The following CCNYL1 variants were observed in gnomAD, a reference collection of about 807,000 sequenced individuals.
CCNYL1 encodes the protein cyclin-Y-like protein 1.
A neutral mutation model predicts 44.2 loss-of-function variants in CCNYL1; 16 were observed. The observed-to-expected ratio is 0.36, with a 90% CI of 0.25 to 0.55. The LOEUF (loss-of-function observed/expected upper bound fraction) is 0.55, where lower values mean the gene tolerates loss of function less well. Ranked by LOEUF, CCNYL1 falls within the 20% of genes least tolerant of loss-of-function variation. The probability of loss-of-function intolerance (pLI) is 0.85; values close to 1 mark genes in which losing one functional copy is unlikely to be tolerated. For synonymous variants in CCNYL1, 159 were observed against 163.2 expected (o/e 0.97, Z 0.20); for missense variants, 348 against 451.8 (o/e 0.77, Z 2.08).
At chr2:207,737,253 A>G (rs1211088287) in intron 4 of CCNYL1, among the ~76,000 whole-genome samples, 158 bp from the exon 5 acceptor site, 1 of 152,148 alleles carries the variant, frequency 6.6e-6, no homozygotes. Flanking sequence ...TGCTGAAAGG[A>G]ACTAAAACAA....
rs569284178 is a variant in CCNYL1, at chr2:207,720,997, T to G, written c.221-3803T>G. Among the ~76,000 whole-genome samples the G allele has an allele frequency of 6.6e-4, 100 of 152,236 alleles. 1 individual carries two copies. Among genetic ancestry groups the G allele is most frequent in the Admixed American group, 6.5e-3 (100 of 15,278 alleles). ...TTGGCTGGTACTGTGTGACCTCAGA[T>G]GAGGCAGGGCAGCTCAAGACCCATC... On this transcript the variant is annotated intron_variant, in intron 1 of 9. Coordinates refer to ENST00000295414, the MANE Select transcript of CCNYL1 (RefSeq NM_001330218.2).
In CCNYL1 at chr2:207,741,915, C is replaced by T. The variant is rs367560955; in HGVS notation, c.520-308C>T. ...CGTGTAATCCCAGCACTTTGGGAGG[C>T]CAAGGCAGGTGGATTGCCTGAGGTC... is the stretch of plus-strand genomic sequence containing the variant. On this transcript the variant is annotated intron_variant, in intron 6 of 9. Coordinates refer to ENST00000295414, the MANE Select transcript of CCNYL1 (RefSeq NM_001330218.2). 1.3e-4 allele frequency among the ~76,000 whole-genome samples: 20 copies of T among 150,670 alleles called. No homozygotes were observed. In the East Asian group the frequency reaches 3.9e-3, roughly 29 times the overall value.
At chr2:207,742,733 T>G (rs1157912974) in intron 7 of CCNYL1, among the ~76,000 whole-genome samples, 3 of 151,492 alleles carry the variant, frequency 2.0e-5, no homozygotes, top group Admixed American at 2.0e-4. Context: ...AGTCCCAGGC[T>G]CTATTCCCCA....
rs756730695 is a variant in CCNYL1, at chr2:207,737,454, C to T, written c.467+8C>T. The T allele has an allele frequency of 5.0e-6, 8 of 1,606,828 alleles. No individual in the cohort carries two copies. Among genetic ancestry groups the T allele is most frequent in the Middle Eastern group, 1.9e-4 (1 of 5,326 alleles). ...TTACCACATAAAGAACAGGTGAGCT[C>T]CTTTAAAACCTGTCTTGTTATTCCA... On this transcript the variant is annotated splice_region_variant and intron_variant, in intron 5 of 9. Transcript: ENST00000295414.
intron 1 of CCNYL1, chr2:207,714,252 G>T: frequency 5.1e-6 from 2 of 391,356 alleles, no homozygotes; most frequent in South Asian, 1.9e-5. Flanking sequence ...AACTTACTTC[G>T]GTCTTGATTA....
intron 5 of CCNYL1, 41 bp from the exon 6 acceptor site, chr2:207,740,614 T>C (rs1335027105): frequency 7.4e-7 from 1 of 1,356,700 alleles, no homozygotes; most frequent in African/African-American, 1.4e-5. Context: ...ATATTAACAA[T>C]TCCTGAATTA....
chr2:207,740,604 A>G, intron 5 of CCNYL1, 51 bp from the exon 6 acceptor site: 1 of 1,243,064 alleles, frequency 8.0e-7, no homozygotes. Context: ...TTTTACTCAG[A>G]TATTAACAAT....
intron 1 of CCNYL1, among the ~76,000 whole-genome samples, chr2:207,724,092 G>A (rs2091661930): frequency 6.6e-6 from 1 of 152,052 alleles, no homozygotes; most frequent in Non-Finnish European, 1.5e-5. Flanking sequence ...AAATTTTTTA[G>A]AAACAGCCCT....
At chr2:207,722,949 ACT>A (rs2091652083) in intron 1 of CCNYL1, among the ~76,000 whole-genome samples, 1 of 149,212 alleles carries the variant, frequency 6.7e-6, no homozygotes, top group African/African-American at 2.5e-5. Flanking sequence ...AAAGAGTGAG[ACT>A]CTTCTCTCGG....
Position 207,712,015 on chromosome 2 carries a change from C to T in CCNYL1, c.119C>T (p.Ala40Val). 1.3e-6 allele frequency: 2 copies of T among 1,488,940 alleles called. No individual in the cohort carries two copies. Among genetic ancestry groups the T allele is most frequent in the Non-Finnish European group, 8.9e-7 (1 of 1,118,812 alleles). The allele number at this position is 1,488,940 out of a possible 1,614,324, so 92.2% of individuals were successfully genotyped here. The part of the protein sequence containing the change: ...SDIYEAVSGD[A>V]VAVAPAVVEP... ...ATCTACGAGGCGGTGTCCGGGGACG[C>T]GGTGGCGGTAGCGCCCGCTGTGGTG... Residue 40 changes from alanine to valine, a missense_variant, in exon 1 of 10, where the codon GCG becomes GTG. By Grantham distance (64) the Ala-to-Val change is moderately conservative (BLOSUM62 0). Coordinates refer to ENST00000295414, the MANE Select transcript of CCNYL1 (RefSeq NM_001330218.2).
intron 7 of CCNYL1, among the ~76,000 whole-genome samples, chr2:207,744,021 C>T (rs2091833528): frequency 6.6e-6 from 1 of 152,062 alleles, no homozygotes; most frequent in South Asian, 2.1e-4. Flanking sequence ...GTGAGGAAGA[C>T]ATTTTTTCAG....
At chr2:207,750,153 A>G (rs954955207) in intron 8 of CCNYL1, among the ~76,000 whole-genome samples, 7 of 152,250 alleles carry the variant, frequency 4.6e-5, no homozygotes, top group Admixed American at 4.6e-4. Context: ...TTCCCAACTC[A>G]GAAGAAACAC....
chr2:207,752,277 C>G (rs901587718), intron 9 of CCNYL1, among the ~76,000 whole-genome samples: 1 of 152,102 alleles, frequency 6.6e-6, no homozygotes, highest in Admixed American at 6.5e-5. Flanking sequence ...CATGGTGGCT[C>G]ACACCTGTAA....
At chr2:207,724,940 A>T in intron 2 of CCNYL1, 66 bp downstream of exon 2, 1 of 1,261,102 alleles carries the variant, frequency 7.9e-7, no homozygotes, top group Non-Finnish European at 1.1e-6. Context: ...TATTGGATGT[A>T]TTATAGAAGG....
Position 207,731,956 on chromosome 2 carries a change from C to T in CCNYL1, c.331-1991C>T, listed in dbSNP as rs1156384395. On this transcript the variant is annotated intron_variant, in intron 3 of 9. Transcript: ENST00000295414. ...TCCCGAGTAGTTGGGATTATGGGAG[C>T]CCACCACCACGCTTGGCTAATTTTT... Among the ~76,000 whole-genome samples the T allele has an allele frequency of 2.0e-5, 3 of 152,082 alleles. No individual in the cohort carries two copies. In the East Asian group the frequency reaches 5.8e-4, roughly 29 times the overall value.
chr2:207,733,848 T>C (rs375045613), intron 3 of CCNYL1, 99 bp from the exon 4 acceptor site: 16 of 750,470 alleles, frequency 2.1e-5, no homozygotes, highest in African/African-American at 1.9e-4. Flanking sequence ...GTAAGAAATA[T>C]CTTAATGCTT....
At chr2:207,726,764 T>C in intron 2 of CCNYL1, 78 bp from the exon 3 acceptor site, 1 of 895,498 alleles carries the variant, frequency 1.1e-6, no homozygotes, top group Non-Finnish European at 1.8e-6. Context: ...TTGTATATTG[T>C]TAATCAGATG....
rs1019051190 is a variant in CCNYL1, at chr2:207,726,843, G to A, written c.297G>A (p.Val99=). The A allele has an allele frequency of 1.3e-6, 2 of 1,566,728 alleles. No homozygotes were observed. The highest frequency in any genetic ancestry group is 8.6e-7 in the Non-Finnish European group (1 of 1,162,170). The part of the protein sequence containing the change: ...TIFLSKSQTD[V]REKRKSNHLN... ...TCAGCTAATTTTTTTTATTCTTAGT[G>A]CGAGAAAAGAGGAAGAGCAACCATT... is the stretch of plus-strand genomic sequence containing the variant. The change falls in exon 3 of 10, where the codon GTG becomes GTA. Residue 99 remains valine (V), a splice_region_variant and synonymous_variant. Transcript: ENST00000295414.
chr2:207,748,265 G>T (rs367931403), intron 8 of CCNYL1, among the ~76,000 whole-genome samples: 1 of 152,154 alleles, frequency 6.6e-6, no homozygotes, highest in African/African-American at 2.4e-5. Flanking sequence ...CACTGCTGGG[G>T]CATCATCCAA....
Sources: gnomAD v4.1 joint callset for allele counts (sites outside exome capture counted in the v4.1 genomes callset) on GRCh38, gnomAD v4.1.1 for gene constraint, MANE v1.5 for transcripts, NCBI Gene and HGNC (gene_info 2026-07-23, HGNC 2026-07-21) for gene names.